SV2C: variants seen among roughly 807,000 people sequenced by gnomAD.
SV2C encodes the protein solute carrier family 22 member B3.
SV2C carries 49 observed loss-of-function variants against 79.7 expected under a neutral mutation model. That is an observed-to-expected ratio of 0.61 (90% CI 0.49 to 0.78). SV2C has a LOEUF of 0.78. Ranked by LOEUF, SV2C falls within the 30% of genes least tolerant of loss-of-function variation. The pLI is 0.00. For synonymous variants in SV2C, 334 were observed against 333.2 expected, an observed-to-expected ratio of 1.00 and a Z score of -0.03; for missense variants, 833 against 912.9, an observed-to-expected ratio of 0.91 and a Z score of 1.13.
At chr5:76,081,564 TAAG>T (rs1188246333), upstream of SV2C, among the ~76,000 whole-genome samples, 1 of 152,226 alleles carries the variant, frequency 6.6e-6, no homozygotes, top group Non-Finnish European at 1.5e-5. Flanking sequence ...ATTATTTTAC[TAAG>T]AAGAATCCAC....
the SV2C span, among the ~76,000 whole-genome samples, chr5:75,896,626 C>T: frequency 6.6e-6 from 1 of 151,490 alleles, no homozygotes; most frequent in Admixed American, 6.6e-5. Context: ...CTAGATCCCT[C>T]CCTGAGGAAT....
Position 76,132,274 on chromosome 5 carries a change from T to G in SV2C, c.524T>G (p.Val175Gly). Residue 175 changes from valine (V) to glycine (G), a missense_variant, in exon 2 of 13, where the codon GTG becomes GGG. Physicochemically the swap from Val to Gly is moderately radical, Grantham distance 109. Transcript: ENST00000502798. ...GTAGAGGTGTTTGTCGTTGGCTTCG[T>G]GTTACCCAGTGCTGAGACAGACCTC... is the stretch of plus-strand genomic sequence containing the variant. ...DGVEVFVVGF[V>G]LPSAETDLCI... 5.6e-6 allele frequency: 9 copies of G among 1,614,112 alleles called. No individual in the cohort carries two copies. The highest frequency in any genetic ancestry group is 7.6e-6 in the Non-Finnish European group (9 of 1,180,012).
intron 1 of SV2C, among the ~76,000 whole-genome samples, chr5:76,098,381 G>C (rs1052092141): frequency 2.0e-5 from 3 of 152,172 alleles, no homozygotes; most frequent in African/African-American, 7.2e-5. Context: ...GGGCAATTCA[G>C]AAGAAATAAA....
chr5:76,082,974 C>T (rs572480965), upstream of SV2C, among the ~76,000 whole-genome samples: 9 of 152,240 alleles, frequency 5.9e-5, no homozygotes, highest in Admixed American at 3.9e-4. Flanking sequence ...TCGCGTCTCA[C>T]GCTGGACCTG....
At chr5:75,940,540 C>A in the SV2C span, among the ~76,000 whole-genome samples, 1 of 152,216 alleles carries the variant, frequency 6.6e-6, no homozygotes, top group South Asian at 2.1e-4. Flanking sequence ...AGAAAATTTG[C>A]AGGCCAGGCA....
In SV2C at chr5:76,181,336, A is replaced by G. The variant is rs142944616; in HGVS notation, c.581-13583A>G. Among the ~76,000 whole-genome samples, 22 of 152,304 alleles carry G rather than the reference A, an allele frequency of 1.4e-4. No homozygotes were observed. The East Asian group carries it at 4.2e-3, about 29-fold the overall frequency. ...CCGTATGGCCCACAGAGTCTGAGGT[A>G]TTTACTATCTGGCCTTTTACAGAAA... On this transcript the variant is annotated intron_variant, in intron 2 of 12. Transcript: ENST00000502798.
At chr5:75,863,813 C>G in the SV2C span, among the ~76,000 whole-genome samples, 1 of 152,178 alleles carries the variant, frequency 6.6e-6, no homozygotes, top group South Asian at 2.1e-4. Flanking sequence ...TCACTCTTTC[C>G]TGCTGTTTTC....
intron 4 of SV2C, among the ~76,000 whole-genome samples, chr5:76,258,280 G>A (rs1164298294): frequency 6.6e-6 from 1 of 152,072 alleles, no homozygotes; most frequent in East Asian, 1.9e-4. Flanking sequence ...GATCCACCCA[G>A]ATGGTCTACT....
the SV2C span, among the ~76,000 whole-genome samples, chr5:76,053,345 T>C: frequency 6.6e-6 from 1 of 150,502 alleles, no homozygotes. Context: ...ATAAGGGAAA[T>C]ATATTTTTAG....
chr5:76,213,185 A>AG lies in SV2C; in HGVS notation c.913+3298_913+3299insG, dbSNP rs552754647. On this transcript the variant is annotated intron_variant, in intron 4 of 12. Coordinates refer to ENST00000502798, the MANE Select transcript of SV2C (RefSeq NM_014979.4). ...CATGGCCAGAAGTGTGGCAAAAAAA[A>AG]CATATATTTCATTCAATTCTGTCTG... is the stretch of plus-strand genomic sequence containing the variant. Among the ~76,000 whole-genome samples the AG allele has an allele frequency of 1.4e-3, 219 of 152,342 alleles. 1 individual carries two copies. The highest frequency in any genetic ancestry group is 4.8e-3 in the African/African-American group (201 of 41,578).
At chr5:76,266,589 A>G (rs1746663866) in intron 4 of SV2C, among the ~76,000 whole-genome samples, 1 of 152,238 alleles carries the variant, frequency 6.6e-6, no homozygotes, top group African/African-American at 2.4e-5. Flanking sequence ...TGCCACTTAC[A>G]TGAGCTCCCT....
the SV2C span, among the ~76,000 whole-genome samples, chr5:75,950,337 C>A: frequency 5.9e-5 from 9 of 152,100 alleles, no homozygotes; most frequent in East Asian, 1.9e-4. Context: ...TTAATCATTA[C>A]CAATACACAA....
chr5:75,908,731 A>G, the SV2C span, among the ~76,000 whole-genome samples: 3 of 152,210 alleles, frequency 2.0e-5, no homozygotes, highest in African/African-American at 7.2e-5. Context: ...TTGCAATATC[A>G]TTAGTTCCTG....
At chr5:76,029,264 A>G in the SV2C span, among the ~76,000 whole-genome samples, 11 of 152,224 alleles carry the variant, frequency 7.2e-5, no homozygotes, top group African/African-American at 2.7e-4. Flanking sequence ...TACAATTTTC[A>G]AAAATACAAT....
At chr5:76,187,429 C>G (rs1359876207) in intron 2 of SV2C, among the ~76,000 whole-genome samples, 1 of 152,136 alleles carries the variant, frequency 6.6e-6, no homozygotes, top group African/African-American at 2.4e-5. Context: ...CTTGGACCAG[C>G]AAACTTAAAT....
chr5:76,285,908 T>A, intron 6 of SV2C, 38 bp downstream of exon 6: 1 of 1,567,192 alleles, frequency 6.4e-7, no homozygotes. Flanking sequence ...ACACCAGGGA[T>A]TGGGACATGT....
chr5:76,070,759 C>T, the SV2C span, among the ~76,000 whole-genome samples: 3 of 152,236 alleles, frequency 2.0e-5, no homozygotes, highest in Non-Finnish European at 2.9e-5. Context: ...ACTGAGCATT[C>T]TGAGAAGTGA....
chr5:75,965,650 C>T, the SV2C span, among the ~76,000 whole-genome samples: 2 of 152,122 alleles, frequency 1.3e-5, no homozygotes, highest in Non-Finnish European at 2.9e-5. Flanking sequence ...GTAGCTTAGA[C>T]AGACAAAGAG....
chr5:76,273,684 G>T (rs180879743), intron 4 of SV2C, among the ~76,000 whole-genome samples: 1 of 152,240 alleles, frequency 6.6e-6, no homozygotes, highest in African/African-American at 2.4e-5. Context: ...AGAAAAACTC[G>T]CAGGAAAGGT....
Sources: gnomAD v4.1 joint callset for allele counts (sites outside exome capture counted in the v4.1 genomes callset) on GRCh38, gnomAD v4.1.1 for gene constraint, MANE v1.5 for transcripts, NCBI Gene and HGNC (gene_info 2026-07-23, HGNC 2026-07-21) for gene names.